The following LRP1 variants were observed in gnomAD, a reference collection of about 807,000 sequenced individuals.
LRP1 encodes LDL receptor related protein 1, also known as prolow-density lipoprotein receptor-related protein 1.
Under a neutral mutation model 541.5 loss-of-function variants are expected in LRP1, and 51 were observed. The ratio of observed to expected loss-of-function variants is 0.09; its 90% confidence interval spans 0.08 to 0.12. LRP1 has a LOEUF of 0.12. Among genes scored for constraint, LRP1 ranks in the 10% least tolerant of loss-of-function variants. LRP1 has a pLI of 1.00. For missense variants in LRP1, 3,878 were observed against 6,376.2 expected (o/e 0.61, Z 13.34); for synonymous variants, 2,219 against 2,470.8 (o/e 0.90, Z 3.02).
chr12:57,202,659 G>A (rs984962424), intron 68 of LRP1, 122 bp downstream of exon 68: 13 of 713,462 alleles, frequency 1.8e-5, no homozygotes, highest in East Asian at 5.4e-5. Flanking sequence ...GGCAGGAGCC[G>A]CCCTCCTCAC....
chr12:57,194,261 G>A, intron 48 of LRP1, 93 bp from the exon 49 acceptor site: 1 of 1,407,394 alleles, frequency 7.1e-7, no homozygotes, highest in Non-Finnish European at 9.4e-7. Flanking sequence ...TCAACTTTTG[G>A]AAACACATGA....
Position 57,184,139 on chromosome 12 carries a change from A to G in LRP1, c.5984A>G (p.Asn1995Ser), listed in dbSNP as rs1444326705. ...GATGTCATCGAGGTCGCCCGGCTCA[A>G]TGGCTCCTTCCGCTACGTGGTGATC... ...GFDVIEVARL[N>S]GSFRYVVISQ... Residue 1995 changes from asparagine to serine, a missense_variant, in exon 37 of 89, where the codon AAT (asparagine) becomes AGT (serine). By Grantham distance (46) the Asn-to-Ser change is conservative (BLOSUM62 1). Transcript: ENST00000243077. The surrounding 1 kb of genome is among the most constrained non-coding windows in gnomAD (Gnocchi z 7.8). The G allele has an allele frequency of 6.2e-7, 1 of 1,614,106 alleles. No homozygotes were observed. Among genetic ancestry groups the G allele is most frequent in the Non-Finnish European group, 8.5e-7 (1 of 1,179,998 alleles).
intron 79 of LRP1, among the ~76,000 whole-genome samples, chr12:57,209,467 G>A (rs1259999920): frequency 6.6e-6 from 1 of 152,248 alleles, no homozygotes; most frequent in Non-Finnish European, 1.5e-5. Context: ...AGCAAATTGG[G>A]GGAGAAGGAA....
In LRP1 at chr12:57,200,730, G is replaced by A. The variant is rs1242827391; in HGVS notation, c.10140G>A (p.Gln3380=). Residue 3380 remains glutamine, a synonymous_variant, in exon 64 of 89, where the codon CAG becomes CAA. Transcript: ENST00000243077. The part of the protein sequence containing the change: ...PEFKCRPGQF[Q]CSTGICTNPA... The stretch of plus-strand genomic sequence containing the variant: ...TCAAGTGCCGGCCCGGACAGTTCCA[G>A]TGCTCCACAGGTATCTGCACAAACC... The A allele has an allele frequency of 2.5e-6, 4 of 1,613,908 alleles. No individual in the cohort carries two copies. The highest frequency in any genetic ancestry group is 1.3e-5 in the African/African-American group (1 of 74,932).
At chr12:57,143,654 ATG>A in intron 3 of LRP1, 23 bp from the exon 4 acceptor site, 1 of 1,603,592 alleles carries the variant, frequency 6.2e-7, no homozygotes, top group Non-Finnish European at 8.5e-7. Context: ...CGGCCTGAAT[ATG>A]TGTCTCTCCT....
At chr12:57,147,062 G>T (rs1221165093) in intron 6 of LRP1, among the ~76,000 whole-genome samples, 2 of 151,410 alleles carry the variant, frequency 1.3e-5, no homozygotes, top group Non-Finnish European at 2.9e-5. Flanking sequence ...GGAGAAGCTG[G>T]TACCCCTCCC....
intron 15 of LRP1, 63 bp downstream of exon 15, chr12:57,163,046 G>T (rs1383502523): frequency 2.6e-6 from 4 of 1,527,296 alleles, no homozygotes; most frequent in Non-Finnish European, 3.5e-6. Context: ...GCCGAAGAGT[G>T]GGGAGGGGAG....
At chr12:57,141,348 A>T (rs980242293) in intron 2 of LRP1, 26 bp from the exon 3 acceptor site, 3 of 1,613,772 alleles carry the variant, frequency 1.9e-6, no homozygotes, top group Non-Finnish European at 1.7e-6. Flanking sequence ...CAGCTTGTTC[A>T]TGCCCACCCT....
chr12:57,200,826 G>GTCCCC lies in LRP1; in HGVS notation c.10225+11_10225+12insTCCCC. On this transcript the variant is annotated intron_variant, in intron 64 of 88. Transcript: ENST00000243077. ...ACGAGGCCAACTGTGGTAAGGCGCT[G>GTCCCC]CCCGCCCACCCTCCCTCCTTCCCCA... 1.4e-5 allele frequency: 22 copies of GTCCCC among 1,581,422 alleles called. No homozygotes were observed. Among genetic ancestry groups the GTCCCC allele is most frequent in the South Asian group, 3.3e-5 (3 of 89,998 alleles).
In LRP1 at chr12:57,197,453, C is replaced by A; in HGVS notation, c.9162+69C>A. 6.2e-7 allele frequency: 1 copy of A among 1,611,176 alleles called. No individual in the cohort carries two copies. Among genetic ancestry groups the A allele is most frequent in the Non-Finnish European group, 8.5e-7 (1 of 1,177,866 alleles). ...CCAGCACAGCCTCCCTTGCAAGTCT[C>A]CCCGCTTAGGTCCAACCATCCCTCC... On this transcript the variant is annotated intron_variant, in intron 57 of 88. Coordinates refer to ENST00000243077, the MANE Select transcript of LRP1 (RefSeq NM_002332.3). This position sits in a 1 kb window ranked among gnomAD's most constrained non-coding sequence, Gnocchi z 4.5.
At chr12:57,202,803 C>A (rs889592247) in intron 68 of LRP1, 10 of 584,414 alleles carry the variant, frequency 1.7e-5, no homozygotes, top group Admixed American at 1.2e-4. Context: ...ACCATACCCC[C>A]ACCTCTGTCC....
chr12:57,167,172 G>A (rs190624011), intron 18 of LRP1, 126 bp downstream of exon 18: 58 of 763,820 alleles, frequency 7.6e-5, no homozygotes, highest in South Asian at 4.5e-4. Flanking sequence ...AGTTAATCTC[G>A]GTGGCCTCTG....
chr12:57,150,119 A>G (rs906650475), intron 6 of LRP1: 2 of 186,078 alleles, frequency 1.1e-5, no homozygotes, highest in South Asian at 1.3e-4. Context: ...CAGTATTTGC[A>G]GTCAGGTGAA....
chr12:57,180,987 C>T (rs575532790), intron 33 of LRP1, among the ~76,000 whole-genome samples, 170 bp from the exon 34 acceptor site: 1 of 152,318 alleles, frequency 6.6e-6, no homozygotes, highest in African/African-American at 2.4e-5. Flanking sequence ...GCCCTGTTCA[C>T]AAGGCCAGGG....
At chr12:57,187,171 GC>G (rs2036286063) in intron 41 of LRP1, 95 bp from the exon 42 acceptor site, 1 of 1,317,244 alleles carries the variant, frequency 7.6e-7, no homozygotes. Flanking sequence ...TCGCCTTCCA[GC>G]CAGGAGAGCA....
Position 57,154,960 on chromosome 12 carries a change from C to T in LRP1, c.1227+259C>T, listed in dbSNP as rs2035592268. On this transcript the variant is annotated intron_variant, in intron 8 of 88. Coordinates refer to ENST00000243077, the MANE Select transcript of LRP1 (RefSeq NM_002332.3). This position sits in a 1 kb window ranked among gnomAD's most constrained non-coding sequence, Gnocchi z 4.6. ...TTTCTCATTTGACCCTTATAATAAC[C>T]CCTAGCTGATGAACAGGGAGGTGGT... 1 of 596,608 alleles carries T rather than the reference C, an allele frequency of 1.7e-6. No individual in the cohort carries two copies. Among genetic ancestry groups the T allele is most frequent in the Non-Finnish European group, 3.0e-6 (1 of 335,134 alleles). 37.0% of individuals were successfully genotyped at this position (596,608 alleles called of 1,614,324 possible). A position where few individuals can be genotyped will look rare whatever the true frequency, so the allele number is the denominator to read the frequency against.
rs1035446333 is a variant in LRP1 at position 57,138,495 on chromosome 12, G to A, written c.104G>A (p.Arg35Lys). ...KTCSPKQFAC[R>K]DQITCISKGW... ...TGCAGCCCCAAGCAGTTTGCCTGCA[G>A]AGATCAAATAACCTGTATCTCAAAG... The change falls in exon 2 of 89, where the codon AGA becomes AAA. Residue 35 changes from arginine (R) to lysine (K), a missense_variant. Arg to Lys is a conservative substitution (Grantham distance 26). Coordinates refer to ENST00000243077, the MANE Select transcript of LRP1 (RefSeq NM_002332.3). The A allele has an allele frequency of 1.9e-6, 3 of 1,613,984 alleles. No individual in the cohort carries two copies. In the African/African-American group the frequency reaches 4.0e-5, roughly 22 times the overall value.
intron 76 of LRP1, 75 bp from the exon 77 acceptor site, chr12:57,207,963 G>A: frequency 6.5e-7 from 1 of 1,534,430 alleles, no homozygotes; most frequent in Admixed American, 1.8e-5. Context: ...GTTCCAGCAG[G>A]CTGGCAGAGT....
chr12:57,190,301 A>G (rs1256436281), intron 42 of LRP1, among the ~76,000 whole-genome samples: 2 of 152,202 alleles, frequency 1.3e-5, no homozygotes, highest in Non-Finnish European at 2.9e-5. Context: ...AGCAGTTAAG[A>G]ATAAACTCCT....
Sources: gnomAD v4.1 joint callset for allele counts (sites outside exome capture counted in the v4.1 genomes callset) on GRCh38, gnomAD v4.1.1 for gene constraint, Gnocchi (gnomAD v3.1) non-coding constraint, MANE v1.5 for transcripts, NCBI Gene and HGNC (gene_info 2026-07-23, HGNC 2026-07-21) for gene names.